The following SLC15A5 variants were observed in gnomAD, a reference collection of about 807,000 sequenced individuals.
The protein encoded by SLC15A5 is Peptide/histidine transporter ENSP00000340402.
In SLC15A5, 58 loss-of-function variants were observed where a neutral mutation model predicts 56.1. That is an observed-to-expected ratio of 1.03 (90% CI 0.84 to 1.29). The LOEUF (loss-of-function observed/expected upper bound fraction) is 1.29. Among genes scored for constraint, SLC15A5 ranks in the 50% most tolerant of loss-of-function variants. The pLI, the probability that SLC15A5 is intolerant of heterozygous loss-of-function variation, is 0.00. For synonymous variants in SLC15A5, 264 were observed against 250.5 expected, an observed-to-expected ratio of 1.05 and a Z score of -0.51; for missense variants, 681 against 672.1, an observed-to-expected ratio of 1.01 and a Z score of -0.15.
Position 16,189,786 on chromosome 12 carries a change from T to C in SLC15A5, c.1622A>G (p.Gln541Arg), listed in dbSNP as rs551132450. The change falls in exon 9 of 9, where the codon CAG (glutamine) becomes CGG (arginine). Residue 541 changes from glutamine to arginine, a missense_variant. Physicochemically the swap from Gln to Arg is conservative, Grantham distance 43. Transcript: ENST00000344941. Reference sequence around the variant, plus strand: ...TTCAAGATTACTTCCACGGATGTTCTGGGCATTAAAATGATTTAGATTACA... The same window carrying C: ...TTCAAGATTACTTCCACGGATGTTCCGGGCATTAAAATGATTTAGATTACA... ...RYCNLNHFNA[Q>R]NIRGSNLEET... 87 of 1,519,012 alleles carry C rather than the reference T, an allele frequency of 5.7e-5. No homozygotes were observed. The African/African-American group carries it at 1.1e-3, about 19-fold the overall frequency. The allele number at this position is 1,519,012 out of a possible 1,614,324, so 94.1% of individuals were successfully genotyped here. A position where few individuals can be genotyped will look rare whatever the true frequency, so the allele number is the denominator to read the frequency against.
chr12:16,216,915 C>T lies in SLC15A5; in HGVS notation c.1461G>A (p.Lys487=). The T allele has an allele frequency of 1.3e-6, 2 of 1,536,576 alleles. No homozygotes were observed. The highest frequency in any genetic ancestry group is 8.7e-7 in the Non-Finnish European group (1 of 1,146,518). Residue 487 remains lysine, a synonymous_variant, in exon 7 of 9, where the codon AAG becomes AAA. Coordinates refer to ENST00000344941, the MANE Select transcript of SLC15A5 (RefSeq NM_001170798.1). ...TACCATCTGAGATGAGATATACCAA[C>T]TTCACCAGCAGTGCCCCTGTGAAAC... ...FGCFTGALLV[K]LVYLISDGNW...
In SLC15A5 at chr12:16,206,529, T is replaced by C. The variant is rs532744007; in HGVS notation, c.1483+10364A>G. 2.6e-3 allele frequency among the ~76,000 whole-genome samples: 399 copies of C among 152,318 alleles called. 1 individual carries two copies. Among genetic ancestry groups the C allele is most frequent in the African/African-American group, 9.3e-3 (385 of 41,574 alleles). ...CTTTGACTTTTCTACCAGTTTTTCA[T>C]ATTTATCTAATAAGGACTCAAATTT... is the stretch of plus-strand genomic sequence containing the variant. On this transcript the variant is annotated intron_variant, in intron 7 of 8. Coordinates refer to ENST00000344941, the MANE Select transcript of SLC15A5 (RefSeq NM_001170798.1).
chr12:16,200,913 A>C (rs1591639765), intron 7 of SLC15A5, among the ~76,000 whole-genome samples: 1 of 152,154 alleles, frequency 6.6e-6, no homozygotes, highest in South Asian at 2.1e-4. Flanking sequence ...CAATATATTA[A>C]ACATTTTTAG....
intron 6 of SLC15A5, among the ~76,000 whole-genome samples, chr12:16,217,916 A>T (rs531381385): frequency 3.3e-5 from 5 of 152,268 alleles, no homozygotes; most frequent in Admixed American, 2.6e-4. Context: ...AAATTTTTTT[A>T]AATTTTCAAT....
At chr12:16,212,550 A>G (rs1488863909) in intron 7 of SLC15A5, among the ~76,000 whole-genome samples, 2 of 152,108 alleles carry the variant, frequency 1.3e-5, no homozygotes, top group South Asian at 4.1e-4. Flanking sequence ...CTGTGATGTC[A>G]TTTAGTGAAT....
chr12:16,212,684 T>A (rs1208195720), intron 7 of SLC15A5, among the ~76,000 whole-genome samples: 1 of 152,184 alleles, frequency 6.6e-6, no homozygotes, highest in Non-Finnish European at 1.5e-5. Context: ...TCTGTAAGAC[T>A]CTTTTTTGGT....
chr12:16,270,481 C>G lies in SLC15A5; in HGVS notation c.584+2080G>C, dbSNP rs7294824. Among the ~76,000 whole-genome samples the G allele has an allele frequency of 1.0e-2, 1,517 of 152,266 alleles. 24 individuals are homozygous for G. Among genetic ancestry groups the G allele is most frequent in the African/African-American group, 0.035 (1,444 of 41,556 alleles). The stretch of plus-strand genomic sequence containing the variant: ...AAACTGCTCCTTTCAAAGATGACCT[C>G]CTCCTAAATGGGTTCCCTCTTTCCC... On this transcript the variant is annotated intron_variant, in intron 2 of 8. Coordinates refer to ENST00000344941, the MANE Select transcript of SLC15A5 (RefSeq NM_001170798.1).
intron 7 of SLC15A5, 60 bp from the exon 8 acceptor site, chr12:16,194,513 T>A: frequency 8.6e-7 from 1 of 1,166,270 alleles, no homozygotes; most frequent in Non-Finnish European, 1.2e-6. Context: ...TGTGAATATT[T>A]TATCATTCCA....
chr12:16,242,232 G>A (rs1864420711), intron 4 of SLC15A5, among the ~76,000 whole-genome samples: 1 of 152,146 alleles, frequency 6.6e-6, no homozygotes, highest in African/African-American at 2.4e-5. Flanking sequence ...TTCATCTGGG[G>A]GCAAAAAACT....
chr12:16,242,309 T>C (rs887051193), intron 4 of SLC15A5, among the ~76,000 whole-genome samples: 6 of 150,822 alleles, frequency 4.0e-5, no homozygotes, highest in African/African-American at 1.5e-4. Flanking sequence ...GCATTTTCTT[T>C]GAAGTTTCTA....
chr12:16,240,746 G>T (rs1421366040), intron 4 of SLC15A5, among the ~76,000 whole-genome samples: 2 of 152,138 alleles, frequency 1.3e-5, no homozygotes, highest in Non-Finnish European at 2.9e-5. Context: ...TCACATGAAA[G>T]AGGTGTCTCT....
At chr12:16,264,608 C>T (rs61916975) in intron 2 of SLC15A5, among the ~76,000 whole-genome samples, 4,554 of 152,110 alleles carry the variant, frequency 0.03, 84 homozygotes, top group Admixed American at 0.041. Context: ...CTCTGTGTCC[C>T]CATCCAAATT....
At chr12:16,194,290 C>A (rs1863873133) in intron 8 of SLC15A5, 55 bp downstream of exon 8, 13 of 1,166,904 alleles carry the variant, frequency 1.1e-5, no homozygotes, top group Non-Finnish European at 1.6e-5. Flanking sequence ...TGATGGTTCC[C>A]AGACCAATAT....
At chr12:16,220,706 C>G (rs1864177943) in intron 6 of SLC15A5, among the ~76,000 whole-genome samples, 1 of 152,172 alleles carries the variant, frequency 6.6e-6, no homozygotes, top group South Asian at 2.1e-4. Flanking sequence ...TGTACCCACT[C>G]CATAATCACA....
At chr12:16,275,026 A>AC (rs1418022654) in intron 1 of SLC15A5, among the ~76,000 whole-genome samples, 3 of 152,056 alleles carry the variant, frequency 2.0e-5, no homozygotes, top group Non-Finnish European at 4.4e-5. Context: ...GATGTGTCAT[A>AC]CCCCCTGCCA....
rs186336066 is a variant in SLC15A5, at chr12:16,237,624, A to C, written c.1162+2057T>G. Reference sequence around the variant, plus strand: ...AATATGCAGGAGTAGAGAATTGTCCAAAAGAAAGTTGCTTAACTTTAAAGT... The same window carrying C: ...AATATGCAGGAGTAGAGAATTGTCCCAAAGAAAGTTGCTTAACTTTAAAGT... On this transcript the variant is annotated intron_variant, in intron 5 of 8. Transcript: ENST00000344941. The surrounding 1 kb of genome is among the most constrained non-coding windows in gnomAD (Gnocchi z 4.1). Among the ~76,000 whole-genome samples, 14 of 152,360 alleles carry C rather than the reference A, an allele frequency of 9.2e-5. No homozygotes were observed. The highest frequency in any genetic ancestry group is 1.5e-4 in the Non-Finnish European group (10 of 68,034).
At chr12:16,223,736 A>G (rs1864211371) in intron 6 of SLC15A5, among the ~76,000 whole-genome samples, 1 of 144,556 alleles carries the variant, frequency 6.9e-6, no homozygotes, top group Non-Finnish European at 1.5e-5. Context: ...TTTTTTTTTG[A>G]GATGGAGTCT....
At chr12:16,201,247 A>G (rs1863952046) in intron 7 of SLC15A5, among the ~76,000 whole-genome samples, 1 of 152,174 alleles carries the variant, frequency 6.6e-6, no homozygotes, top group Non-Finnish European at 1.5e-5. Context: ...AAGCAATCCT[A>G]AAATTCATAT....
chr12:16,224,357 G>C, intron 6 of SLC15A5, 57 bp downstream of exon 6: 1 of 1,464,018 alleles, frequency 6.8e-7, no homozygotes, highest in South Asian at 1.3e-5. Context: ...TTGAGGTGAT[G>C]TGTTCTGTGT....
Sources: allele counts gnomAD v4.1 joint callset (sites outside exome capture counted in the v4.1 genomes callset), GRCh38; gene constraint gnomAD v4.1.1; non-coding constraint Gnocchi (gnomAD v3.1); transcripts MANE v1.5; gene names NCBI Gene and HGNC (gene_info 2026-07-23, HGNC 2026-07-21).